Variants in HOMER2 observed in about 807,000 individuals in gnomAD.
HOMER2 encodes the protein homer protein homolog 2.
In HOMER2, 27 loss-of-function variants were observed where a neutral mutation model predicts 47.0. The ratio of observed to expected loss-of-function variants is 0.57; its 90% CI spans 0.42 to 0.79. HOMER2 has a LOEUF of 0.79. Ranked by LOEUF, HOMER2 falls within the 30% of genes least tolerant of loss-of-function variation. HOMER2 has a pLI of 0.00. For missense variants in HOMER2, 443 were observed against 435.0 expected, an observed-to-expected ratio of 1.02 and a Z score of -0.16; for synonymous variants, 161 against 163.8, an observed-to-expected ratio of 0.98 and a Z score of 0.13.
intron 4 of HOMER2, 84 bp downstream of exon 4, chr15:82,864,083 C>A: frequency 1.2e-6 from 1 of 804,602 alleles, no homozygotes; most frequent in Non-Finnish European, 2.0e-6. Context: ...GTCAAAATTC[C>A]CTATTTCTGG....
At chr15:82,982,116 C>A (rs999226279) in intron 1 of HOMER2, among the ~76,000 whole-genome samples, 1 of 152,130 alleles carries the variant, frequency 6.6e-6, no homozygotes, top group Non-Finnish European at 1.5e-5. Flanking sequence ...CTTTCTCATG[C>A]ACATCAACAG....
intron 3 of HOMER2, among the ~76,000 whole-genome samples, chr15:82,872,748 T>C (rs2052219145): frequency 6.6e-6 from 1 of 152,220 alleles, no homozygotes; most frequent in Non-Finnish European, 1.5e-5. Flanking sequence ...ATCTTCCCTG[T>C]GGACAAACCC....
chr15:82,867,221 T>A (rs1049820375), intron 3 of HOMER2, among the ~76,000 whole-genome samples: 2 of 151,580 alleles, frequency 1.3e-5, no homozygotes, highest in African/African-American at 4.8e-5. Flanking sequence ...GAAAAAAAAA[T>A]TCTGGATGCA....
intron 1 of HOMER2, among the ~76,000 whole-genome samples, chr15:82,960,472 G>A (rs2054620885): frequency 6.6e-6 from 1 of 152,122 alleles, no homozygotes; most frequent in Non-Finnish European, 1.5e-5. Context: ...TGACAAAGTG[G>A]CCGTTAGTAT....
chr15:82,907,590 A>G (rs2053325929), intron 1 of HOMER2, among the ~76,000 whole-genome samples: 1 of 152,222 alleles, frequency 6.6e-6, no homozygotes, highest in Non-Finnish European at 1.5e-5. Flanking sequence ...GCAGAAAATC[A>G]GTACATAGTT....
At chr15:82,907,972 T>C (rs1247708673) in intron 1 of HOMER2, among the ~76,000 whole-genome samples, 3 of 152,232 alleles carry the variant, frequency 2.0e-5, no homozygotes, top group Non-Finnish European at 2.9e-5. Flanking sequence ...CTTGAAAACA[T>C]TGTGCTCAGT....
chr15:82,907,048 T>C (rs1409142926), intron 1 of HOMER2, among the ~76,000 whole-genome samples: 1 of 152,196 alleles, frequency 6.6e-6, no homozygotes, highest in Non-Finnish European at 1.5e-5. Flanking sequence ...ACCAACAGCC[T>C]TCAGTTAGAG....
At chr15:82,971,446 A>G (rs1298259418) in intron 1 of HOMER2, among the ~76,000 whole-genome samples, 5 of 152,124 alleles carry the variant, frequency 3.3e-5, no homozygotes, top group African/African-American at 1.2e-4. Context: ...AGACACAGAG[A>G]AAGATAAACA....
chr15:82,921,551 G>C (rs1240790132), intron 1 of HOMER2, among the ~76,000 whole-genome samples: 9 of 152,170 alleles, frequency 5.9e-5, no homozygotes, highest in African/African-American at 2.4e-5. Context: ...TCCCAGTCTT[G>C]GCTCTGCCAG....
At chr15:82,959,416 T>G (rs2054612080) in intron 1 of HOMER2, 2 of 152,250 alleles carry the variant, frequency 1.3e-5, no homozygotes, top group South Asian at 4.1e-4. Context: ...ACAGAGTGGC[T>G]GTTGGATAAT....
At chr15:82,875,749 G>A (rs929259045) in intron 2 of HOMER2, among the ~76,000 whole-genome samples, 1 of 152,176 alleles carries the variant, frequency 6.6e-6, no homozygotes, top group East Asian at 1.9e-4. Flanking sequence ...GCCCTTAATG[G>A]CTAGCCATGT....
chr15:82,968,013 T>C (rs2054691213), intron 1 of HOMER2, among the ~76,000 whole-genome samples: 1 of 152,184 alleles, frequency 6.6e-6, no homozygotes, highest in Non-Finnish European at 1.5e-5. Flanking sequence ...AAAATATATA[T>C]AACATATTGT....
chr15:82,935,989 C>A (rs1199906393), intron 1 of HOMER2, among the ~76,000 whole-genome samples: 1 of 152,202 alleles, frequency 6.6e-6, no homozygotes. Flanking sequence ...ATCATACTGC[C>A]CATCAAATAA....
downstream of HOMER2, chr15:82,835,680 C>T (rs972003675): frequency 3.3e-5 from 5 of 152,340 alleles, no homozygotes; most frequent in African/African-American, 1.2e-4. Flanking sequence ...CAAGCCCTGA[C>T]TCTGCACTGG....
downstream of HOMER2, among the ~76,000 whole-genome samples, chr15:82,847,567 C>T (rs2051270221): frequency 6.6e-6 from 1 of 152,224 alleles, no homozygotes; most frequent in African/African-American, 2.4e-5. Flanking sequence ...ACATTTTCTA[C>T]ACCTCCACTT....
chr15:82,856,442 C>T (rs2051588385), intron 5 of HOMER2, among the ~76,000 whole-genome samples: 1 of 151,942 alleles, frequency 6.6e-6, no homozygotes, highest in African/African-American at 2.4e-5. Context: ...ATAGCAAGAC[C>T]TCATCTCTAC....
intron 5 of HOMER2, among the ~76,000 whole-genome samples, chr15:82,857,923 C>A (rs182362168): frequency 6.6e-6 from 1 of 152,196 alleles, no homozygotes; most frequent in Non-Finnish European, 1.5e-5. Flanking sequence ...ATCATAAGCA[C>A]CGCTCATGCA....
At chr15:82,951,225 C>T (rs1353613682) in intron 1 of HOMER2, among the ~76,000 whole-genome samples, 2 of 152,140 alleles carry the variant, frequency 1.3e-5, no homozygotes, top group East Asian at 3.8e-4. Context: ...ACTTCTTCAG[C>T]CCTCGCTGCT....
At chr15:82,946,517 G>C (rs1473187269) in intron 1 of HOMER2, among the ~76,000 whole-genome samples, 1 of 152,010 alleles carries the variant, frequency 6.6e-6, no homozygotes, top group Non-Finnish European at 1.5e-5. Context: ...TATTCACACT[G>C]CCAGGAACAC....
Sources: allele counts gnomAD v4.1 joint callset (sites outside exome capture counted in the v4.1 genomes callset), GRCh38; gene constraint gnomAD v4.1.1; transcripts MANE v1.5; gene names NCBI Gene and HGNC (gene_info 2026-07-23, HGNC 2026-07-21).